MICAL1: variants seen among roughly 807,000 people sequenced by gnomAD.
MICAL1 encodes the protein [F-actin]-monooxygenase MICAL1.
A neutral mutation model predicts 131.8 loss-of-function variants in MICAL1; 95 were observed. The ratio of observed to expected loss-of-function variants is 0.72; its 90% CI spans 0.61 to 0.86. The LOEUF (loss-of-function observed/expected upper bound fraction) is 0.86, where lower values mean the gene tolerates loss of function less well. Among genes scored for constraint, MICAL1 ranks in the 40% least tolerant of loss-of-function variants. MICAL1 has a pLI of 0.00. For missense variants in MICAL1, 1,292 were observed against 1,380.6 expected (o/e 0.94, Z 1.02); for synonymous variants, 546 against 554.2 (o/e 0.99, Z 0.21).
rs752262 is a variant in MICAL1 at position 109,449,796 on chromosome 6, G to C, written c.1308-13C>G. The C allele has an allele frequency of 0.33, 533,585 of 1,603,688 alleles. 89,858 individuals are homozygous for C. Among genetic ancestry groups the C allele is most frequent in the East Asian group, 0.4 (17,855 of 44,830 alleles). Reference sequence around the variant, plus strand: ...GTACAGGCTCTCACTGAGGGGGTGAGGGTAAGGGGCAGGGGCATGAATGGG... The same window carrying C: ...GTACAGGCTCTCACTGAGGGGGTGACGGTAAGGGGCAGGGGCATGAATGGG... On this transcript the variant is annotated splice_polypyrimidine_tract_variant and intron_variant, in intron 9 of 24. Coordinates refer to ENST00000358807, the MANE Select transcript of MICAL1 (RefSeq NM_022765.4).
At chr6:109,450,957 C>T (rs529955874) in intron 7 of MICAL1, among the ~76,000 whole-genome samples, 1 of 152,242 alleles carries the variant, frequency 6.6e-6, no homozygotes, top group South Asian at 2.1e-4. Context: ...TCAACTAGTT[C>T]ATTCATTCAG....
rs1316731812 is a variant in MICAL1 at position 109,451,974 on chromosome 6, A to G, written c.832+272T>C. 4.3e-6 allele frequency: 6 copies of G among 1,388,724 alleles called. No homozygotes were observed. In the African/African-American group the frequency reaches 7.3e-5, roughly 17 times the overall value. The allele number at this position is 1,388,724 out of a possible 1,614,324, so 86.0% of individuals were successfully genotyped here. On this transcript the variant is annotated intron_variant, in intron 6 of 24. Coordinates refer to ENST00000358807, the MANE Select transcript of MICAL1 (RefSeq NM_022765.4). ...TCGCATGGCAGTGCAAAACCAAAGTAAACAGAGGCACCTTCTTGAAGTACC... is the reference window on the plus strand; with the variant it reads ...TCGCATGGCAGTGCAAAACCAAAGTGAACAGAGGCACCTTCTTGAAGTACC...
rs188028404 is a variant in MICAL1 at position 109,450,214 on chromosome 6, T to A, written c.1191+86A>T. ...CAGGCAGCCCTTAGCTCCTCCCCTC[T>A]GCAGGCAGACCTTTTTATCCCCTCC... On this transcript the variant is annotated intron_variant, in intron 8 of 24. Coordinates refer to ENST00000358807, the MANE Select transcript of MICAL1 (RefSeq NM_022765.4). The A allele has an allele frequency of 6.0e-4, 938 of 1,565,098 alleles. 5 individuals are homozygous for A. The African/African-American group carries it at 0.012, about 19-fold the overall frequency.
intron 1 of MICAL1, chr6:109,454,703 C>T (rs535902588): frequency 1.2e-5 from 2 of 161,668 alleles, no homozygotes; most frequent in Non-Finnish European, 1.4e-5. Flanking sequence ...TCCCTCCAAG[C>T]GTCCCTGTGC....
At chr6:109,450,247 T>C in intron 8 of MICAL1, 53 bp downstream of exon 8, 1 of 1,581,984 alleles carries the variant, frequency 6.3e-7, no homozygotes, top group Non-Finnish European at 8.6e-7. Flanking sequence ...TCCTCCATAC[T>C]AGGCAGCTCC....
Position 109,447,962 on chromosome 6 carries a change from G to T in MICAL1, c.1857C>A (p.Gly619=). 6.2e-7 allele frequency: 1 copy of T among 1,605,396 alleles called. No homozygotes were observed. Residue 619 remains glycine, a splice_region_variant and synonymous_variant, in exon 14 of 25, where the codon GGC becomes GGA. Transcript: ENST00000358807. Reference sequence around the variant, plus strand: ...TCCCTGGGGAGGCCTGGCTGACAGGGCCTGCGGGGAGAGCCAGGGCATCAG... The same window carrying T: ...TCCCTGGGGAGGCCTGGCTGACAGGTCCTGCGGGGAGAGCCAGGGCATCAG... ...SAFKSMAHSP[G]PVSQASPGTS...
At position 109,465,891 on chromosome 6, in the gene MICAL1, T is replaced by C. The variant is rs568879322; in HGVS notation, c.-214A>G. On this transcript the variant is annotated 5_prime_UTR_variant, in exon 1 of 25. Coordinates refer to the MICAL1 transcript ENST00000630715. ...GCCAAGTGGCGTTGGCTGGGGCACG[T>C]GGTGAGTGGGTGGTGGCGGACCAGG... 6 of 1,614,072 alleles carry C rather than the reference T, an allele frequency of 3.7e-6. No homozygotes were observed. The African/African-American group carries it at 8.0e-5, about 22-fold the overall frequency.
At chr6:109,451,018 G>T (rs1484975901) in intron 7 of MICAL1, among the ~76,000 whole-genome samples, 2 of 152,100 alleles carry the variant, frequency 1.3e-5, no homozygotes, top group Non-Finnish European at 2.9e-5. Context: ...CCAGGTACTG[G>T]CAATTAGCAG....
upstream of MICAL1, among the ~76,000 whole-genome samples, chr6:109,457,443 C>T (rs1325616647): frequency 2.6e-5 from 4 of 152,214 alleles, no homozygotes; most frequent in East Asian, 7.7e-4. Flanking sequence ...TGGCATTATA[C>T]GAAGCTATGT....
rs138741285 is a variant in MICAL1 at position 109,447,692 on chromosome 6, G to A, written c.1975C>T (p.Leu659=). The A allele has an allele frequency of 5.0e-6, 8 of 1,613,944 alleles. No homozygotes were observed. In the African/African-American group the frequency reaches 9.3e-5, roughly 19 times the overall value. The change falls in exon 15 of 25, where the codon CTG becomes TTG. Residue 659 remains leucine, a synonymous_variant. Coordinates refer to ENST00000358807, the MANE Select transcript of MICAL1 (RefSeq NM_022765.4). ...CTGCCTGCATTCACCTCCAAGCGCAGCTTCTTGCCACCAGCATCCTCTGCA... is the reference window on the plus strand; with the variant it reads ...CTGCCTGCATTCACCTCCAAGCGCAACTTCTTGCCACCAGCATCCTCTGCA... ...ENAEDAGGKK[L]RLEMEAETPS... is the part of the protein sequence containing the mutation.
chr6:109,450,349 T>C lies in MICAL1; in HGVS notation c.1142A>G (p.Lys381Arg). 1 of 1,610,810 alleles carries C rather than the reference T, an allele frequency of 6.2e-7. No individual in the cohort carries two copies. Among genetic ancestry groups the C allele is most frequent in the Non-Finnish European group, 8.5e-7 (1 of 1,177,694 alleles). The change falls in exon 8 of 25, where the codon AAG becomes AGG. Residue 381 changes from lysine to arginine, a missense_variant. Lys to Arg is a conservative substitution (Grantham distance 26). Transcript: ENST00000358807. ...RAESSARVQE[K>R]HGARLLLGLV... ...TCCCAGCAGCAGGCGGGCGCCATGCTTCTCTTGCACACGAGCAGAACTCTC... is the reference window on the plus strand; with the variant it reads ...TCCCAGCAGCAGGCGGGCGCCATGCCTCTCTTGCACACGAGCAGAACTCTC...
At chr6:109,449,537 A>G (rs2115332403) in intron 10 of MICAL1, 56 bp from the exon 11 acceptor site, 3 of 1,610,860 alleles carry the variant, frequency 1.9e-6, no homozygotes, top group East Asian at 2.2e-5. Flanking sequence ...CCCTGAGTCC[A>G]GGGGTAAGGG....
upstream of MICAL1, among the ~76,000 whole-genome samples, chr6:109,459,350 C>G (rs1775834740): frequency 6.6e-6 from 1 of 152,190 alleles, no homozygotes; most frequent in Admixed American, 6.5e-5. Context: ...AAGGATCAAT[C>G]AGGTCTTTGT....
chr6:109,452,338 C>A lies in MICAL1; in HGVS notation c.740G>T (p.Gly247Val). The A allele has an allele frequency of 6.2e-7, 1 of 1,614,198 alleles. No homozygotes were observed. Among genetic ancestry groups the A allele is most frequent in the Non-Finnish European group, 8.5e-7 (1 of 1,180,046 alleles). ...AIGITANFVN[G>V]RTVEETQVPE... ...CACCTGTGTCTCCTCCACGGTGCGTCCATTCACAAAGTTGGCTGTGATGCC... is the reference window on the plus strand; with the variant it reads ...CACCTGTGTCTCCTCCACGGTGCGTACATTCACAAAGTTGGCTGTGATGCC... Residue 247 changes from glycine (G) to valine (V), a missense_variant, in exon 6 of 25, where the codon GGA becomes GTA. Transcript: ENST00000358807.
At chr6:109,445,155 A>G (rs541174438) in intron 22 of MICAL1, 42 bp downstream of exon 22, 2 of 1,607,492 alleles carry the variant, frequency 1.2e-6, no homozygotes, top group Non-Finnish European at 1.7e-6. Context: ...GGAGCTGAAC[A>G]CAGTGCTAGA....
rs1775190322 is a variant in MICAL1, at chr6:109,445,826, G to A, written c.2618C>T (p.Pro873Leu). Reference protein sequence around the residue: ...VAMEKEEKESPFSSEEEEEDV... With the variant: ...VAMEKEEKESLFSSEEEEEDV... ...TTCTTCTTCCTCTTCACTGGAGAAG[G>A]GACTCTCTTTTTCCTCCTTCTCCAT... Residue 873 changes from proline (P) to leucine (L), a missense_variant, in exon 20 of 25, where the codon CCC becomes CTC. Coordinates refer to ENST00000358807, the MANE Select transcript of MICAL1 (RefSeq NM_022765.4). 2 of 1,610,672 alleles carry A rather than the reference G, an allele frequency of 1.2e-6. No homozygotes were observed. The highest frequency in any genetic ancestry group is 1.7e-6 in the Non-Finnish European group (2 of 1,178,610).
chr6:109,450,106 G>T lies in MICAL1; in HGVS notation c.1192-21C>A, dbSNP rs1424221423. On this transcript the variant is annotated intron_variant, in intron 8 of 24. Coordinates refer to ENST00000358807, the MANE Select transcript of MICAL1 (RefSeq NM_022765.4). ...AAGGGCTGCAGTGTCAGAGGAATAG[G>T]AAGCAGCTCAGGGAGAATCCAACAG... is the stretch of plus-strand genomic sequence containing the variant. 6 of 1,609,230 alleles carry T rather than the reference G, an allele frequency of 3.7e-6. No homozygotes were observed. In the Admixed American group the frequency reaches 1.0e-4, roughly 27 times the overall value.
At position 109,448,784 on chromosome 6, in the gene MICAL1, C is replaced by T. The variant is rs199690907; in HGVS notation, c.1612G>A (p.Ala538Thr). The T allele has an allele frequency of 2.5e-6, 4 of 1,614,006 alleles. No individual in the cohort carries two copies. The highest frequency in any genetic ancestry group is 2.7e-5 in the African/African-American group (2 of 74,920). The change falls in exon 12 of 25, where the codon GCT becomes ACT. Residue 538 changes from alanine (A) to threonine (T), a missense_variant. Physicochemically the swap from Ala to Thr is moderately conservative, Grantham distance 58. Coordinates refer to ENST00000358807, the MANE Select transcript of MICAL1 (RefSeq NM_022765.4). ...AGGGCACACAGAGCTAGCCCATCAG[C>T]CCAGGAGGAAGACAAATCGGAGACG... ...VHVSDLSSSW[A>T]DGLALCALVY...
At chr6:109,445,625 G>A (rs1775178575) in intron 20 of MICAL1, 96 bp from the exon 21 acceptor site, 2 of 1,530,048 alleles carry the variant, frequency 1.3e-6, no homozygotes, top group African/African-American at 2.7e-5. Context: ...TGCTGAAGTG[G>A]GGTAAGCTCT....
Sources: allele counts gnomAD v4.1 joint callset (sites outside exome capture counted in the v4.1 genomes callset), GRCh38; gene constraint gnomAD v4.1.1; transcripts MANE v1.5; gene names NCBI Gene and HGNC (gene_info 2026-07-23, HGNC 2026-07-21).